Variants in REV3L observed in about 807,000 individuals in gnomAD.
The protein encoded by REV3L is REV3 like, DNA directed polymerase zeta catalytic subunit, also known as DNA polymerase zeta catalytic subunit.
In REV3L, 69 loss-of-function variants were observed where a neutral mutation model predicts 299.4. The ratio of observed to expected loss-of-function variants is 0.23; its 90% CI spans 0.19 to 0.28. The LOEUF is 0.28. Among genes scored for constraint, REV3L ranks in the 10% least tolerant of loss-of-function variants. REV3L has a pLI of 1.00. For synonymous variants in REV3L, 1,238 were observed against 1,271.4 expected (o/e 0.97, Z 0.56); for missense variants, 3,128 against 3,693.8 (o/e 0.85, Z 3.97).
At chr6:111,363,442 A>G (rs1368325185) in intron 16 of REV3L, among the ~76,000 whole-genome samples, 1 of 152,100 alleles carries the variant, frequency 6.6e-6, no homozygotes, top group Non-Finnish European at 1.5e-5. Context: ...AGTAGCTGAG[A>G]CTATAGGTGC....
chr6:111,431,383 C>A (rs1179782761), intron 1 of REV3L: 15 of 960,888 alleles, frequency 1.6e-5, no homozygotes, highest in Non-Finnish European at 2.2e-5. Flanking sequence ...AGGCTCATAG[C>A]GCTGAAAGCA....
chr6:111,404,803 T>C (rs370519502), intron 4 of REV3L, among the ~76,000 whole-genome samples: 42 of 152,192 alleles, frequency 2.8e-4, no homozygotes, highest in Non-Finnish European at 5.6e-4. Context: ...AATAGCAAAT[T>C]CACCCAGAGA....
chr6:111,483,190 A>T lies in REV3L; in HGVS notation c.-302T>A. 1 of 482,702 alleles carries T rather than the reference A, an allele frequency of 2.1e-6. No homozygotes were observed. Among genetic ancestry groups the T allele is most frequent in the Non-Finnish European group, 3.6e-6 (1 of 278,046 alleles). 29.9% of individuals were successfully genotyped at this position (482,702 alleles called of 1,614,324 possible). ...CACGGGCTCCTCGGTCCCAGGCTGCAGCTCTTGTTGCCATGATGATGATGT... is the reference window on the plus strand; with the variant it reads ...CACGGGCTCCTCGGTCCCAGGCTGCTGCTCTTGTTGCCATGATGATGATGT... On this transcript the variant is annotated 5_prime_UTR_variant, in exon 1 of 32. Coordinates refer to ENST00000368802, the MANE Select transcript of REV3L (RefSeq NM_001372078.1).
intron 5 of REV3L, chr6:111,392,653 A>G (rs1782053930): frequency 2.7e-6 from 1 of 369,100 alleles, no homozygotes; most frequent in Non-Finnish European, 4.9e-6. Context: ...TCTACCTTGT[A>G]TTCCTTTTGT....
rs184778142 is a variant in REV3L, at chr6:111,355,534, A to C, written c.7184+1480T>G. ...TTGACATTTAAGCATTTTTCTTTTT[A>C]TGACAGTTTTGTTTACCCCATTTTC... is the stretch of plus-strand genomic sequence containing the variant. On this transcript the variant is annotated intron_variant, in intron 18 of 31. Coordinates refer to ENST00000368802, the MANE Select transcript of REV3L (RefSeq NM_001372078.1). 1.9e-3 allele frequency among the ~76,000 whole-genome samples: 288 copies of C among 152,276 alleles called. 3 individuals carry two copies. In the Middle Eastern group the frequency reaches 0.024, roughly 13 times the overall value.
At chr6:111,470,174 TCACACACACACACACACACACACA>T (rs6149753) in intron 1 of REV3L, among the ~76,000 whole-genome samples, 1 of 150,250 alleles carries the variant, frequency 6.7e-6, no homozygotes, top group Non-Finnish European at 1.5e-5. Context: ...TTACTATCTC[TCACACACACACACACACACACACA>T]CACACACACA....
chr6:111,380,286 C>T, intron 10 of REV3L, 67 bp from the exon 11 acceptor site: 1 of 1,156,062 alleles, frequency 8.7e-7, no homozygotes. Context: ...CGGAGTCTTG[C>T]TCTCTCACCC....
chr6:111,482,517 G>A (rs990155599), intron 1 of REV3L, among the ~76,000 whole-genome samples: 1 of 151,530 alleles, frequency 6.6e-6, no homozygotes, highest in Non-Finnish European at 1.5e-5. Context: ...CGCGGCGCTC[G>A]CCACCTCCCT....
At chr6:111,426,704 C>A (rs1205572300) in intron 1 of REV3L, among the ~76,000 whole-genome samples, 1 of 152,180 alleles carries the variant, frequency 6.6e-6, no homozygotes, top group Non-Finnish European at 1.5e-5. Context: ...GCAATTTAAT[C>A]TGCAATTATT....
At position 111,308,883 on chromosome 6, in the gene REV3L, A is replaced by C. The variant is rs140414031; in HGVS notation, c.9042+970T>G. Among the ~76,000 whole-genome samples the C allele has an allele frequency of 2.2e-4, 33 of 152,384 alleles. No individual in the cohort carries two copies. In the East Asian group the frequency reaches 5.4e-3, roughly 25 times the overall value. On this transcript the variant is annotated intron_variant, in intron 30 of 31. Transcript: ENST00000368802. The stretch of plus-strand genomic sequence containing the variant: ...TTATCTTTTAGGAAACCAGGAGAGC[A>C]TGGCATCTTTGCCAGTTTAGGACAG...
intron 22 of REV3L, 146 bp downstream of exon 22, chr6:111,335,323 A>C: frequency 1.1e-6 from 1 of 927,532 alleles, no homozygotes; most frequent in Non-Finnish European, 1.5e-6. Flanking sequence ...TGGCATAGAA[A>C]GAGAATAAAA....
In REV3L at chr6:111,422,663, C is replaced by CAT. The variant is rs59939393; in HGVS notation, c.140-6193_140-6192dup. Among the ~76,000 whole-genome samples, 67 of 17,870 alleles carry CAT rather than the reference C, an allele frequency of 3.7e-3. 9 individuals carry two copies. The highest frequency in any genetic ancestry group is 0.016 in the South Asian group (8 of 508). 11.7% of individuals were successfully genotyped at this position (17,870 alleles called of 152,430 possible). A position where few individuals can be genotyped will look rare whatever the true frequency, so the allele number is the denominator to read the frequency against. ...ATATATATATACATATATATATATA[C>CAT]ATATATATATATATACGTATATATA... On this transcript the variant is annotated intron_variant, in intron 1 of 31. Transcript: ENST00000368802.
intron 1 of REV3L, among the ~76,000 whole-genome samples, chr6:111,424,952 T>C (rs1375796105): frequency 6.6e-6 from 1 of 152,196 alleles, no homozygotes; most frequent in Non-Finnish European, 1.5e-5. Flanking sequence ...AAAGCTTTGA[T>C]ACAGTTAAGG....
intron 1 of REV3L, among the ~76,000 whole-genome samples, chr6:111,450,368 A>C (rs1286384940): frequency 6.7e-6 from 1 of 148,736 alleles, no homozygotes; most frequent in Non-Finnish European, 1.5e-5. Flanking sequence ...TGTTCCAGCT[A>C]TTCAGGAGGC....
At chr6:111,312,287 T>TTA (rs1261254967) in intron 28 of REV3L, 2 of 152,144 alleles carry the variant, frequency 1.3e-5, no homozygotes, top group African/African-American at 2.4e-5. Context: ...TCACATAATA[T>TTA]TATATATATG....
rs1780025065 is a variant in REV3L at position 111,373,746 on chromosome 6, T to C, written c.4609A>G (p.Arg1537Gly). The change falls in exon 13 of 32, where the codon AGA becomes GGA. Residue 1537 changes from arginine (R) to glycine (G), a missense_variant. Physicochemically the swap from Arg to Gly is moderately radical, Grantham distance 125. This residue lies in a region of REV3L where 2,409 missense variants were observed against 2,611.8 expected (regional missense o/e 0.92). Transcript: ENST00000368802. ...TTTGCATTTTGTGCTTTCTGCTGTCTTTTTTGTAACAATTCTTTTAGAACT... is the reference window on the plus strand; with the variant it reads ...TTTGCATTTTGTGCTTTCTGCTGTCCTTTTTGTAACAATTCTTTTAGAACT... ...LAVLKELLQK[R>G]QQKAQNANTT... 1.9e-6 allele frequency: 3 copies of C among 1,613,914 alleles called. No individual in the cohort carries two copies. Among genetic ancestry groups the C allele is most frequent in the Non-Finnish European group, 2.5e-6 (3 of 1,179,990 alleles).
At chr6:111,325,533 C>T (rs2114798444) in intron 25 of REV3L, among the ~76,000 whole-genome samples, 1 of 152,328 alleles carries the variant, frequency 6.6e-6, no homozygotes, top group Middle Eastern at 3.4e-3. Context: ...AAAGTCTCAT[C>T]TTTCTCTATG....
chr6:111,344,759 T>C (rs1005261992), intron 20 of REV3L, among the ~76,000 whole-genome samples: 2 of 152,216 alleles, frequency 1.3e-5, no homozygotes, highest in Admixed American at 6.5e-5. Context: ...AAGGAACCAG[T>C]AGTCCCCATT....
chr6:111,324,949 C>T lies in REV3L; in HGVS notation c.8242-2271G>A, dbSNP rs553275410. On this transcript the variant is annotated intron_variant, in intron 25 of 31. Transcript: ENST00000368802. ...CAATCTCGGCTCACTGCAACCTCTACCTCCCGGGTTCACGCCATTCTCCTG... is the reference window on the plus strand; with the variant it reads ...CAATCTCGGCTCACTGCAACCTCTATCTCCCGGGTTCACGCCATTCTCCTG... 1.1e-4 allele frequency among the ~76,000 whole-genome samples: 17 copies of T among 152,054 alleles called. No homozygotes were observed. In the East Asian group the frequency reaches 3.1e-3, roughly 28 times the overall value.
Sources: gnomAD v4.1 joint callset for allele counts (sites outside exome capture counted in the v4.1 genomes callset) on GRCh38, gnomAD v4.1.1 for gene constraint, gnomAD v4.1.1 regional missense constraint, MANE v1.5 for transcripts, NCBI Gene and HGNC (gene_info 2026-07-23, HGNC 2026-07-21) for gene names.